Variants in OCA2 observed in about 807,000 individuals in gnomAD.
OCA2 encodes the protein OCA2 melanosomal transmembrane protein.
OCA2 carries 77 observed loss-of-function variants against 100.2 expected under a neutral mutation model. That is an observed-to-expected ratio of 0.77 (90% CI 0.64 to 0.93). OCA2 has a LOEUF of 0.93. Ranked by LOEUF, OCA2 falls within the 40% of genes least tolerant of loss-of-function variation. OCA2 has a pLI of 0.00. For missense variants in OCA2, 1,062 were observed against 1,089.1 expected (o/e 0.98, Z 0.35); for synonymous variants, 432 against 439.2 (o/e 0.98, Z 0.21).
chr15:28,093,547 C>T (rs1473830715), intron 1 of OCA2, among the ~76,000 whole-genome samples: 5 of 151,904 alleles, frequency 3.3e-5, no homozygotes, highest in Non-Finnish European at 7.4e-5. Context: ...AGCAGTTTGA[C>T]AGTTTTTAAA....
Position 27,821,061 on chromosome 15 carries a change from T to C in OCA2, c.2432+23898A>G, listed in dbSNP as rs568885978. Reference sequence around the variant, plus strand: ...CAAAACAATGTCTCAAGTGAGACATTGAGACATTGATGCCTCAATGTCTTA... The same window carrying C: ...CAAAACAATGTCTCAAGTGAGACATCGAGACATTGATGCCTCAATGTCTTA... On this transcript the variant is annotated intron_variant, in intron 23 of 23. Transcript: ENST00000354638. Among the ~76,000 whole-genome samples, 3 of 152,212 alleles carry C rather than the reference T, an allele frequency of 2.0e-5. No individual in the cohort carries two copies. In the East Asian group the frequency reaches 5.8e-4, roughly 29 times the overall value.
At position 27,985,204 on chromosome 15, in the gene OCA2, C is replaced by A; in HGVS notation, c.1240-16G>T. On this transcript the variant is annotated splice_polypyrimidine_tract_variant and intron_variant, in intron 12 of 23. Transcript: ENST00000354638. ...GCCGGTATGCCTGGCCACACACACA[C>A]AGAGAGAGTACAAGCCAGAGTGAGC... is the stretch of plus-strand genomic sequence containing the variant. The A allele has an allele frequency of 1.2e-6, 2 of 1,613,212 alleles. No individual in the cohort carries two copies. Among genetic ancestry groups the A allele is most frequent in the Non-Finnish European group, 1.7e-6 (2 of 1,179,760 alleles).
In OCA2 at chr15:27,827,557, GA is replaced by G. The variant is rs550735795; in HGVS notation, c.2432+17401del. ...TTGTAATTCTCATGAGTCATTTAAGGAAAAAAAAAAACACATTAGGTTGAGA... is the reference window on the plus strand; with the variant it reads ...TTGTAATTCTCATGAGTCATTTAAGGAAAAAAAAAACACATTAGGTTGAGA... On this transcript the variant is annotated intron_variant, in intron 23 of 23. Transcript: ENST00000354638. Among the ~76,000 whole-genome samples, 213 of 122,276 alleles carry G rather than the reference GA, an allele frequency of 1.7e-3. 2 individuals are homozygous for G. The highest frequency in any genetic ancestry group is 0.015 in the South Asian group (54 of 3,538). The allele number at this position is 122,276 out of a possible 152,430, so 80.2% of individuals were successfully genotyped here.
chr15:27,916,814 G>T (rs1184212723), intron 19 of OCA2, among the ~76,000 whole-genome samples: 2 of 152,158 alleles, frequency 1.3e-5, no homozygotes, highest in African/African-American at 4.8e-5. Flanking sequence ...CTGACCTACT[G>T]TATGTGCTTC....
intron 19 of OCA2, 93 bp from the exon 20 acceptor site, chr15:27,872,015 A>T: frequency 6.6e-6 from 6 of 913,002 alleles, no homozygotes; most frequent in Non-Finnish European, 1.1e-5. Flanking sequence ...AGACGTGAAC[A>T]TAAGGTAGGC....
chr15:27,733,255 C>A, the OCA2 span, among the ~76,000 whole-genome samples: 1 of 151,880 alleles, frequency 6.6e-6, no homozygotes, highest in African/African-American at 2.4e-5. Flanking sequence ...TATTTTTTTC[C>A]TTTGAAAATG....
At chr15:27,895,350 C>T (rs114609592) in intron 19 of OCA2, among the ~76,000 whole-genome samples, 170 of 152,210 alleles carry the variant, frequency 1.1e-3, no homozygotes, top group African/African-American at 3.5e-3. Flanking sequence ...ACTTTGGAAC[C>T]GGGTGACAGG....
In OCA2 at chr15:27,824,602, C is replaced by CTCTCTCTCTCTCTCTATATATA; in HGVS notation, c.2432+20356_2432+20357insTATATATAGAGAGAGAGAGAGA. On this transcript the variant is annotated intron_variant, in intron 23 of 23. Coordinates refer to ENST00000354638, the MANE Select transcript of OCA2 (RefSeq NM_000275.3). The stretch of plus-strand genomic sequence containing the variant: ...TTTCTCTCTCTCTCTCTCTCTCTCT[C>CTCTCTCTCTCTCTCTATATATA]TATATATATATATATATATAATATA... Among the ~76,000 whole-genome samples, 116 of 47,572 alleles carry CTCTCTCTCTCTCTCTATATATA rather than the reference C, an allele frequency of 2.4e-3. 7 individuals are homozygous for CTCTCTCTCTCTCTCTATATATA. Among genetic ancestry groups the CTCTCTCTCTCTCTCTATATATA allele is most frequent in the East Asian group, 0.037 (2 of 54 alleles). The allele number at this position is 47,572 out of a possible 152,430, so 31.2% of individuals were successfully genotyped here. A position where few individuals can be genotyped will look rare whatever the true frequency, so the allele number is the denominator to read the frequency against.
intron 9 of OCA2, among the ~76,000 whole-genome samples, chr15:27,997,240 G>GGAAA (rs35919216): frequency 0.57 from 83,366 of 145,142 alleles, 28,580 homozygotes; most frequent in Non-Finnish European, 0.78. Flanking sequence ...GAAGGAAGGA[G>GGAAA]GAAAGAAAGA....
chr15:27,751,424 G>C (rs530480467), downstream of OCA2, among the ~76,000 whole-genome samples: 3 of 152,256 alleles, frequency 2.0e-5, no homozygotes, highest in African/African-American at 7.2e-5. Context: ...GGTAATTTTA[G>C]GAGTGACTTA....
At chr15:27,973,374 G>A (rs1006230055) in intron 14 of OCA2, among the ~76,000 whole-genome samples, 1 of 152,122 alleles carries the variant, frequency 6.6e-6, no homozygotes, top group African/African-American at 2.4e-5. Context: ...GAGAGATAGG[G>A]ATCCAGTTTC....
At chr15:27,894,295 T>A (rs1189145218) in intron 19 of OCA2, among the ~76,000 whole-genome samples, 1 of 152,224 alleles carries the variant, frequency 6.6e-6, no homozygotes, top group Non-Finnish European at 1.5e-5. Flanking sequence ...GAGCCCCCAG[T>A]GACTTTGTCA....
At chr15:27,833,584 A>C (rs2035040080) in intron 23 of OCA2, among the ~76,000 whole-genome samples, 1 of 152,180 alleles carries the variant, frequency 6.6e-6, no homozygotes, top group African/African-American at 2.4e-5. Context: ...GGGTTCCCTA[A>C]TGGTTGAAAT....
At chr15:28,039,827 G>A (rs183362741) in intron 2 of OCA2, among the ~76,000 whole-genome samples, 87 of 152,286 alleles carry the variant, frequency 5.7e-4, no homozygotes, top group Middle Eastern at 3.4e-3. Context: ...AAGGTCAGAA[G>A]TTCAAGATCA....
intron 22 of OCA2, among the ~76,000 whole-genome samples, chr15:27,846,181 T>C (rs2035529834): frequency 6.6e-6 from 1 of 152,118 alleles, no homozygotes; most frequent in African/African-American, 2.4e-5. Context: ...CAGCCCCCTC[T>C]GGGCACTGTT....
At chr15:28,061,874 T>C (rs1044547301) in intron 2 of OCA2, among the ~76,000 whole-genome samples, 10 of 152,254 alleles carry the variant, frequency 6.6e-5, no homozygotes, top group Admixed American at 2.0e-4. Context: ...CCTTAAGGTT[T>C]ATCCAAGTGG....
At chr15:28,095,262 C>G (rs2044953243) in intron 1 of OCA2, among the ~76,000 whole-genome samples, 1 of 152,156 alleles carries the variant, frequency 6.6e-6, no homozygotes, top group African/African-American at 2.4e-5. Context: ...GCAGGAGTGG[C>G]CCAGCCAGGC....
intron 19 of OCA2, among the ~76,000 whole-genome samples, chr15:27,902,794 G>C (rs1376207092): frequency 6.6e-6 from 1 of 152,224 alleles, no homozygotes; most frequent in Non-Finnish European, 1.5e-5. Flanking sequence ...GAAACACTAC[G>C]TGCAGCCGAC....
intron 13 of OCA2, among the ~76,000 whole-genome samples, chr15:27,983,729 G>A (rs962279909): frequency 1.3e-5 from 2 of 151,966 alleles, no homozygotes; most frequent in Non-Finnish European, 2.9e-5. Flanking sequence ...GGTGTGGTCA[G>A]GTACCCTTTC....
Sources: allele counts gnomAD v4.1 joint callset (sites outside exome capture counted in the v4.1 genomes callset), GRCh38; gene constraint gnomAD v4.1.1; transcripts MANE v1.5; gene names NCBI Gene and HGNC (gene_info 2026-07-23, HGNC 2026-07-21).